Variants in DNA2 observed in about 807,000 individuals in gnomAD.
DNA2 encodes the protein DNA replication ATP-dependent helicase/nuclease DNA2.
In DNA2, 101 loss-of-function variants were observed where a neutral mutation model predicts 119.1. That is an observed-to-expected ratio of 0.85 (90% confidence interval 0.72 to 1.00). The LOEUF is 1.00. DNA2 is among the 50% of genes least tolerant of loss of function. DNA2 has a pLI of 0.00. For missense variants in DNA2, 1,121 were observed against 1,255.5 expected (o/e 0.89, Z 1.62); for synonymous variants, 366 against 424.4 (o/e 0.86, Z 1.69).
intron 1 of DNA2, 28 bp downstream of exon 1, chr10:68,471,763 T>C (rs1387052235): frequency 6.4e-7 from 1 of 1,567,054 alleles, no homozygotes. Context: ...CCCGCTTTGT[T>C]CCCACACCCT....
At chr10:68,451,727 C>T (rs913859222) in intron 5 of DNA2, among the ~76,000 whole-genome samples, 12 of 150,882 alleles carry the variant, frequency 8.0e-5, no homozygotes, top group African/African-American at 2.9e-4. Context: ...TATGGTCAAC[C>T]CCTATTTCTT....
Position 68,422,831 on chromosome 10 carries a change from A to T in DNA2, c.2268T>A (p.Phe756Leu), listed in dbSNP as rs755503672. The change falls in exon 15 of 21, where the codon TTT becomes TTA. Residue 756 changes from phenylalanine (F) to leucine (L), a missense_variant. Coordinates refer to ENST00000358410, the MANE Select transcript of DNA2 (RefSeq NM_001080449.3). ...AGGCTTCATCCACAATACAAAAATC[A>T]AAAATTTTACGGGAAAATATTGGAT... ...INHPIFSRKI[F>L]DFCIVDEASQ... is the part of the protein sequence containing the mutation. 6.2e-7 allele frequency: 1 copy of T among 1,608,406 alleles called. No individual in the cohort carries two copies. The highest frequency in any genetic ancestry group is 8.5e-7 in the Non-Finnish European group (1 of 1,178,684).
At chr10:68,417,961 A>G (rs1422843526) in intron 19 of DNA2, among the ~76,000 whole-genome samples, 2 of 152,220 alleles carry the variant, frequency 1.3e-5, no homozygotes, top group African/African-American at 4.8e-5. Flanking sequence ...AGTCAAATTC[A>G]GAGATAGAAT....
At chr10:68,440,917 AT>A (rs1191159840) in intron 9 of DNA2, among the ~76,000 whole-genome samples, 1 of 152,220 alleles carries the variant, frequency 6.6e-6, no homozygotes, top group African/African-American at 2.4e-5. Flanking sequence ...ATAGTGGCTT[AT>A]ACCTATAATC....
chr10:68,419,415 C>T (rs761162955), intron 18 of DNA2: 2 of 541,966 alleles, frequency 3.7e-6, no homozygotes, highest in Non-Finnish European at 6.4e-6. Flanking sequence ...AGACATTGCT[C>T]CCTTAATTTT....
At chr10:68,468,696 T>A (rs1489061001) in intron 2 of DNA2, among the ~76,000 whole-genome samples, 2 of 152,214 alleles carry the variant, frequency 1.3e-5, no homozygotes, top group Non-Finnish European at 2.9e-5. Context: ...AATCTACAGC[T>A]TGTATAAGTC....
chr10:68,467,393 G>A (rs979794021), intron 3 of DNA2, among the ~76,000 whole-genome samples: 21 of 151,900 alleles, frequency 1.4e-4, no homozygotes, highest in African/African-American at 5.1e-4. Context: ...ACAGGCGTAA[G>A]CCACTGCGCC....
At chr10:68,444,307 T>C (rs1349773205) in intron 8 of DNA2, among the ~76,000 whole-genome samples, 7 of 150,998 alleles carry the variant, frequency 4.6e-5, no homozygotes, top group Non-Finnish European at 1.0e-4. Context: ...GGAGAATCGC[T>C]TGAACTAGGG....
At chr10:68,418,434 A>G in intron 19 of DNA2, among the ~76,000 whole-genome samples, 1 of 150,308 alleles carries the variant, frequency 6.7e-6, no homozygotes, top group Admixed American at 6.6e-5. Context: ...AAAAAGTAAG[A>G]TGTATGTTTT....
chr10:68,415,101 C>A lies in DNA2; in HGVS notation c.3121G>T (p.Asp1041Tyr). Residue 1041 changes from aspartate to tyrosine, a missense_variant, in exon 21 of 21, where the codon GAT (aspartate) becomes TAT (tyrosine). Coordinates refer to ENST00000358410, the MANE Select transcript of DNA2 (RefSeq NM_001080449.3). ...NHLNSEKLII[D>Y]LPSREHESLC... ...CTTTCATGTTCTCTTGATGGAAGATCAATGATGTAAAATAAATTAAGGAAG... is the reference window on the plus strand; with the variant it reads ...CTTTCATGTTCTCTTGATGGAAGATAAATGATGTAAAATAAATTAAGGAAG... The A allele has an allele frequency of 6.4e-7, 1 of 1,558,400 alleles. No individual in the cohort carries two copies. The highest frequency in any genetic ancestry group is 1.2e-5 in the South Asian group (1 of 84,914).
At chr10:68,434,584 C>T (rs188129201) in intron 10 of DNA2, among the ~76,000 whole-genome samples, 2 of 151,064 alleles carry the variant, frequency 1.3e-5, no homozygotes, top group East Asian at 4.0e-4. Flanking sequence ...CCCAGGAAGT[C>T]CAGGCTGCAG....
At chr10:68,433,408 T>C (rs2051846688) in intron 10 of DNA2, among the ~76,000 whole-genome samples, 1 of 152,200 alleles carries the variant, frequency 6.6e-6, no homozygotes, top group Non-Finnish European at 1.5e-5. Context: ...TTAGTTTTTC[T>C]TCCATTAATG....
In DNA2 at chr10:68,414,261, T is replaced by C. The variant is rs1340950508; in HGVS notation, c.*778A>G. 6.6e-6 allele frequency: 1 copy of C among 152,080 alleles called. No individual in the cohort carries two copies. Among genetic ancestry groups the C allele is most frequent in the East Asian group, 1.9e-4 (1 of 5,180 alleles). 9.4% of individuals were successfully genotyped at this position (152,080 alleles called of 1,614,324 possible). Reference sequence around the variant, plus strand: ...CTTTGTTAAAATCTGTTACTTTTTATATATATAATATAATCACTTTGAGAC... The same window carrying C: ...CTTTGTTAAAATCTGTTACTTTTTACATATATAATATAATCACTTTGAGAC... On this transcript the variant is annotated 3_prime_UTR_variant, in exon 21 of 21. Transcript: ENST00000358410.
intron 8 of DNA2, among the ~76,000 whole-genome samples, chr10:68,444,121 G>A (rs2052005946): frequency 6.6e-6 from 1 of 152,140 alleles, no homozygotes; most frequent in African/African-American, 2.4e-5. Flanking sequence ...GCTGGGCGCA[G>A]TGGTTCATGC....
At chr10:68,460,223 C>T (rs2052238993) in intron 4 of DNA2, among the ~76,000 whole-genome samples, 1 of 151,962 alleles carries the variant, frequency 6.6e-6, no homozygotes, top group South Asian at 2.1e-4. Flanking sequence ...TCTCCCCACT[C>T]AGCCTTCAGA....
intron 2 of DNA2, among the ~76,000 whole-genome samples, chr10:68,469,759 C>G (rs1400597279): frequency 1.3e-5 from 2 of 152,124 alleles, no homozygotes; most frequent in Non-Finnish European, 2.9e-5. Context: ...GCCACCATGC[C>G]TGGCCCACGT....
chr10:68,453,606 C>G (rs1235280754), intron 5 of DNA2, among the ~76,000 whole-genome samples: 1 of 152,150 alleles, frequency 6.6e-6, no homozygotes, highest in Non-Finnish European at 1.5e-5. Context: ...AATTCCATTG[C>G]CTAGTGACAT....
intron 5 of DNA2, among the ~76,000 whole-genome samples, chr10:68,454,548 G>A (rs2133422516): frequency 6.6e-6 from 1 of 152,248 alleles, no homozygotes; most frequent in African/African-American, 2.4e-5. Context: ...GCTCACACCT[G>A]TAATCCCAGC....
chr10:68,446,527 T>C (rs2052042529), intron 6 of DNA2, 114 bp from the exon 7 acceptor site: 1 of 690,976 alleles, frequency 1.4e-6, no homozygotes, highest in Admixed American at 3.1e-5. Flanking sequence ...GTTATTTCTA[T>C]TTAATAAGTA....
Sources: gnomAD v4.1 joint callset for allele counts (sites outside exome capture counted in the v4.1 genomes callset) on GRCh38, gnomAD v4.1.1 for gene constraint, MANE v1.5 for transcripts, NCBI Gene and HGNC (gene_info 2026-07-23, HGNC 2026-07-21) for gene names.